Variants in WWOX observed in about 807,000 individuals in gnomAD.
The protein encoded by WWOX is WW domain containing oxidoreductase.
WWOX carries 69 observed loss-of-function variants against 46.2 expected under a neutral mutation model. That is an observed-to-expected ratio of 1.49 (90% CI 1.23 to 1.82). The LOEUF is 1.82. Among genes scored for constraint, WWOX ranks in the 40% most tolerant of loss-of-function variants. WWOX has a pLI of 0.00. For missense variants in WWOX, 919 were observed against 542.6 expected (o/e 1.69, Z -6.89); for synonymous variants, 359 against 202.6 (o/e 1.77, Z -6.56).
At chr16:78,715,266 C>G (rs137968059) in intron 8 of WWOX, among the ~76,000 whole-genome samples, 2 of 152,166 alleles carry the variant, frequency 1.3e-5, no homozygotes, top group East Asian at 1.9e-4. Context: ...TCTTTTCTTG[C>G]TGAATAAGAA....
chr16:79,058,067 A>G (rs1233381080), intron 8 of WWOX, among the ~76,000 whole-genome samples: 1 of 150,916 alleles, frequency 6.6e-6, no homozygotes, highest in Non-Finnish European at 1.5e-5. Context: ...CCTCCACACT[A>G]ATGTGTGAGC....
intron 5 of WWOX, chr16:78,264,605 G>A (rs1488181943): frequency 6.6e-6 from 1 of 152,270 alleles, no homozygotes; most frequent in East Asian, 1.9e-4. Flanking sequence ...CACTGCAGAG[G>A]GGTGATAAGC....
intron 5 of WWOX, among the ~76,000 whole-genome samples, chr16:78,256,308 C>T (rs1275415970): frequency 6.6e-6 from 1 of 152,034 alleles, no homozygotes; most frequent in Non-Finnish European, 1.5e-5. Flanking sequence ...TGGAAATTGT[C>T]ACCCCCTGTC....
chr16:79,005,938 C>G (rs1315281142), intron 8 of WWOX, among the ~76,000 whole-genome samples: 2 of 152,164 alleles, frequency 1.3e-5, no homozygotes, highest in Non-Finnish European at 2.9e-5. Context: ...AGAAACCCAT[C>G]CATACTCTGG....
At chr16:78,823,453 T>C (rs1156994738) in intron 8 of WWOX, among the ~76,000 whole-genome samples, 2 of 152,208 alleles carry the variant, frequency 1.3e-5, no homozygotes, top group Non-Finnish European at 2.9e-5. Flanking sequence ...TCGCTTATCA[T>C]CACCTGAATG....
chr16:79,195,027 C>G (rs903527366), intron 8 of WWOX, among the ~76,000 whole-genome samples: 3 of 152,106 alleles, frequency 2.0e-5, no homozygotes, highest in Non-Finnish European at 4.4e-5. Flanking sequence ...TATGCCTGTT[C>G]CATATGAGAA....
intron 5 of WWOX, among the ~76,000 whole-genome samples, chr16:78,256,705 G>C (rs866297767): frequency 5.9e-5 from 9 of 152,122 alleles, no homozygotes; most frequent in African/African-American, 2.2e-4. Context: ...CTTGTTGAAT[G>C]ACTGAATGAA....
At chr16:79,012,355 C>G (rs1039135738) in intron 8 of WWOX, among the ~76,000 whole-genome samples, 2 of 152,250 alleles carry the variant, frequency 1.3e-5, no homozygotes, top group African/African-American at 4.8e-5. Context: ...ACCTCAGCCT[C>G]CCGAGTAGCT....
intron 5 of WWOX, among the ~76,000 whole-genome samples, chr16:78,359,098 C>G (rs2081357055): frequency 6.6e-6 from 1 of 152,194 alleles, no homozygotes. Context: ...CTTGAGAAAG[C>G]TTCTTCCCAT....
intron 1 of WWOX, among the ~76,000 whole-genome samples, chr16:78,101,939 G>C (rs939082248): frequency 7.9e-5 from 12 of 152,148 alleles, no homozygotes. Flanking sequence ...AGTGTGTCTG[G>C]CATGAGGTGT....
At chr16:78,170,515 A>T (rs1056823591) in intron 5 of WWOX, among the ~76,000 whole-genome samples, 3 of 152,374 alleles carry the variant, frequency 2.0e-5, no homozygotes, top group Middle Eastern at 3.4e-3. Flanking sequence ...CAACTGGCTG[A>T]AAGAGGAGCT....
intron 8 of WWOX, among the ~76,000 whole-genome samples, chr16:79,099,214 A>T (rs1043736495): frequency 6.6e-6 from 1 of 151,090 alleles, no homozygotes; most frequent in Non-Finnish European, 1.5e-5. Flanking sequence ...CCCATGACCC[A>T]AACACCTCCC....
At chr16:79,148,205 G>C (rs1186955894) in intron 8 of WWOX, among the ~76,000 whole-genome samples, 2 of 151,748 alleles carry the variant, frequency 1.3e-5, no homozygotes, top group South Asian at 4.2e-4. Context: ...ATATATTTTT[G>C]CATTTTGCAT....
chr16:79,118,579 A>C (rs774111151), intron 8 of WWOX, among the ~76,000 whole-genome samples: 12 of 152,234 alleles, frequency 7.9e-5, no homozygotes, highest in Non-Finnish European at 1.3e-4. Context: ...AAAGTGCAAT[A>C]AAAGGAAATG....
At chr16:78,974,351 A>G (rs2046530522) in intron 8 of WWOX, among the ~76,000 whole-genome samples, 1 of 152,212 alleles carries the variant, frequency 6.6e-6, no homozygotes, top group African/African-American at 2.4e-5. Flanking sequence ...TCACATCAAT[A>G]AACATCTTAA....
chr16:78,667,665 C>T (rs1319115393), intron 8 of WWOX, among the ~76,000 whole-genome samples: 16 of 118,686 alleles, frequency 1.3e-4, no homozygotes, highest in South Asian at 8.4e-4. Context: ...AGTGAGACTC[C>T]GTCTCAAAAA....
rs113639964 is a variant in WWOX, at chr16:79,038,465, G to A, written c.1057-173143G>A. On this transcript the variant is annotated intron_variant, in intron 8 of 8. Coordinates refer to ENST00000566780, the MANE Select transcript of WWOX (RefSeq NM_016373.4). ...CATGCACAGAAAAAAAAGACTGGAA[G>A]GAAATTTATTGAGATGTTATTGTTT... 3.2e-4 allele frequency among the ~76,000 whole-genome samples: 48 copies of A among 152,178 alleles called. 1 individual carries two copies. Among genetic ancestry groups the A allele is most frequent in the African/African-American group, 1.1e-3 (47 of 41,526 alleles).
At chr16:78,707,164 G>C (rs1458341747) in intron 8 of WWOX, among the ~76,000 whole-genome samples, 1 of 152,138 alleles carries the variant, frequency 6.6e-6, no homozygotes, top group African/African-American at 2.4e-5. Context: ...GTGTTAAAGG[G>C]TTTATTTTTA....
chr16:78,781,494 A>G lies in WWOX; in HGVS notation c.1056+348742A>G, dbSNP rs890310762. Among the ~76,000 whole-genome samples the G allele has an allele frequency of 8.5e-4, 129 of 152,204 alleles. 2 individuals carry two copies. On this transcript the variant is annotated intron_variant, in intron 8 of 8. Transcript: ENST00000566780. The stretch of plus-strand genomic sequence containing the variant: ...TGCTTTTCTTTTATCAGCTGGCATT[A>G]CTAGGTATAGACATTATGACCCTTT...
Sources: allele counts gnomAD v4.1 joint callset (sites outside exome capture counted in the v4.1 genomes callset), GRCh38; gene constraint gnomAD v4.1.1; transcripts MANE v1.5; gene names NCBI Gene and HGNC (gene_info 2026-07-23, HGNC 2026-07-21).